Variants in NALF1 observed in about 807,000 individuals in gnomAD.
NALF1 encodes the protein NALCN channel auxiliary factor 1.
In NALF1, 3 loss-of-function variants were observed where a neutral mutation model predicts 48.4. That is an observed-to-expected ratio of 0.06 (90% confidence interval 0.03 to 0.16). The LOEUF is 0.16. Ranked by LOEUF, NALF1 falls within the 10% of genes least tolerant of loss-of-function variation. NALF1 has a pLI of 1.00. For synonymous variants in NALF1, 262 were observed against 245.7 expected (o/e 1.07, Z -0.62); for missense variants, 526 against 571.5 (o/e 0.92, Z 0.81).
chr13:107,461,099 A>G (rs1254836163), intron 1 of NALF1, among the ~76,000 whole-genome samples: 1 of 152,168 alleles, frequency 6.6e-6, no homozygotes, highest in Non-Finnish European at 1.5e-5. Flanking sequence ...TTATTTTGTT[A>G]AAAGAACCCA....
intron 1 of NALF1, among the ~76,000 whole-genome samples, chr13:107,385,843 TCTCA>T (rs1883521987): frequency 6.6e-6 from 1 of 152,162 alleles, no homozygotes; most frequent in South Asian, 2.1e-4. Flanking sequence ...AACATTTTTT[TCTCA>T]CTCAGTTATA....
At chr13:107,322,462 A>G (rs1882276028) in intron 1 of NALF1, among the ~76,000 whole-genome samples, 1 of 152,162 alleles carries the variant, frequency 6.6e-6, no homozygotes, top group Non-Finnish European at 1.5e-5. Flanking sequence ...GAAATTAACT[A>G]TGAGTCATCA....
chr13:107,260,219 A>T (rs539707787), intron 1 of NALF1, among the ~76,000 whole-genome samples: 3 of 152,212 alleles, frequency 2.0e-5, no homozygotes, highest in Non-Finnish European at 4.4e-5. Context: ...ATTAGTTAAG[A>T]TACTCGGGAT....
chr13:107,391,962 T>C (rs527390330), intron 1 of NALF1, among the ~76,000 whole-genome samples: 35 of 152,272 alleles, frequency 2.3e-4, no homozygotes, highest in Admixed American at 1.4e-3. Context: ...TCTTAAAATA[T>C]CTTACAGTTT....
chr13:107,675,232 G>A (rs1881084591), intron 1 of NALF1, among the ~76,000 whole-genome samples: 1 of 152,120 alleles, frequency 6.6e-6, no homozygotes, highest in Non-Finnish European at 1.5e-5. Context: ...TACGTCCCTG[G>A]TATTTGTCCC....
At chr13:107,549,845 A>G (rs184057429) in intron 1 of NALF1, among the ~76,000 whole-genome samples, 339 of 147,206 alleles carry the variant, frequency 2.3e-3, no homozygotes, top group Non-Finnish European at 4.3e-3. Flanking sequence ...GCAACTTTTC[A>G]TTTTTTTTTT....
chr13:107,412,920 G>C (rs1211920578), intron 1 of NALF1, among the ~76,000 whole-genome samples: 4 of 152,130 alleles, frequency 2.6e-5, no homozygotes, highest in Non-Finnish European at 5.9e-5. Flanking sequence ...TTTTGTGGAG[G>C]TAGAGTATTG....
At chr13:107,480,163 C>A (rs1264379922) in intron 1 of NALF1, among the ~76,000 whole-genome samples, 2 of 152,036 alleles carry the variant, frequency 1.3e-5, no homozygotes, top group East Asian at 1.9e-4. Context: ...TTTTAAGCAC[C>A]GTTTCTGCTA....
intron 1 of NALF1, among the ~76,000 whole-genome samples, chr13:107,835,700 A>G (rs890518154): frequency 2.6e-5 from 4 of 152,218 alleles, no homozygotes; most frequent in African/African-American, 9.6e-5. Context: ...ATAATATTCA[A>G]GCAATAGTGA....
rs1428176931 is a variant in NALF1, at chr13:107,178,954, AC to A, written c.1088-8169del. 8.5e-3 allele frequency among the ~76,000 whole-genome samples: 1,247 copies of A among 146,082 alleles called. 19 individuals carry two copies. The highest frequency in any genetic ancestry group is 0.03 in the African/African-American group (1,193 of 39,820). ...AGTGAGACTCTGTCTCAAAAAACAAACAAAAAAAAAAAACAAAAAATAGAGC... is the reference window on the plus strand; with the variant it reads ...AGTGAGACTCTGTCTCAAAAAACAAAAAAAAAAAAAAACAAAAAATAGAGC... On this transcript the variant is annotated intron_variant, in intron 2 of 2. Transcript: ENST00000375915.
At chr13:107,437,305 C>T (rs1230402208) in intron 1 of NALF1, among the ~76,000 whole-genome samples, 3 of 152,098 alleles carry the variant, frequency 2.0e-5, no homozygotes, top group Non-Finnish European at 4.4e-5. Context: ...GTAAAATAGT[C>T]CGATCACTTT....
chr13:107,450,147 G>A (rs1379389639), intron 1 of NALF1, among the ~76,000 whole-genome samples: 1 of 152,158 alleles, frequency 6.6e-6, no homozygotes, highest in African/African-American at 2.4e-5. Flanking sequence ...TTGTATAGAA[G>A]ACAGGACTAA....
At chr13:107,433,131 G>A (rs1352682752) in intron 1 of NALF1, among the ~76,000 whole-genome samples, 1 of 152,064 alleles carries the variant, frequency 6.6e-6, no homozygotes, top group Non-Finnish European at 1.5e-5. Flanking sequence ...CCTTTAAGGA[G>A]GCATCTTATC....
chr13:107,514,329 G>C (rs182164426), intron 1 of NALF1, among the ~76,000 whole-genome samples: 2 of 152,244 alleles, frequency 1.3e-5, no homozygotes, highest in Admixed American at 1.3e-4. Context: ...GGCAGTATGG[G>C]AGATTCAAGA....
intron 1 of NALF1, among the ~76,000 whole-genome samples, chr13:107,769,720 G>A (rs1877523572): frequency 6.6e-6 from 1 of 151,224 alleles, no homozygotes; most frequent in Admixed American, 6.6e-5. Context: ...ATAAACACAG[G>A]TTTTAGTCCT....
intron 1 of NALF1, among the ~76,000 whole-genome samples, chr13:107,815,261 T>C (rs1430483153): frequency 1.7e-5 from 2 of 117,758 alleles, no homozygotes; most frequent in East Asian, 1.9e-4. Context: ...ATGTAACTGA[T>C]TTTTTTTAAA....
intron 1 of NALF1, among the ~76,000 whole-genome samples, chr13:107,353,161 G>T (rs1023411919): frequency 2.2e-4 from 34 of 151,958 alleles, no homozygotes; most frequent in African/African-American, 8.0e-4. Context: ...TACGGAAAAG[G>T]GTACATAAGC....
intron 1 of NALF1, among the ~76,000 whole-genome samples, chr13:107,576,648 G>A (rs1212893770): frequency 6.6e-6 from 1 of 152,146 alleles, no homozygotes. Flanking sequence ...GGTGACTCAG[G>A]GAAGGCTTCA....
At chr13:107,838,654 GA>G (rs1337639900) in intron 1 of NALF1, among the ~76,000 whole-genome samples, 1 of 152,106 alleles carries the variant, frequency 6.6e-6, no homozygotes, top group East Asian at 1.9e-4. Context: ...GTGCTTTAGA[GA>G]TCTGTTTTAT....
Sources: allele counts gnomAD v4.1 joint callset (sites outside exome capture counted in the v4.1 genomes callset), GRCh38; gene constraint gnomAD v4.1.1; transcripts MANE v1.5; gene names NCBI Gene and HGNC (gene_info 2026-07-23, HGNC 2026-07-21).